Variants in GRM4 observed in about 807,000 individuals in gnomAD.
GRM4 encodes glutamate metabotropic receptor 4.
Under a neutral mutation model 81.7 loss-of-function variants are expected in GRM4, and 28 were observed. The observed-to-expected ratio is 0.34, with a 90% CI of 0.25 to 0.47. GRM4 has a LOEUF of 0.47. GRM4 is among the 20% of genes least tolerant of loss of function. GRM4 has a pLI of 1.00. For synonymous variants in GRM4, 488 were observed against 528.8 expected (o/e 0.92, Z 1.06); for missense variants, 948 against 1,290.0 (o/e 0.73, Z 4.06).
Position 34,115,342 on chromosome 6 carries a change from T to C in GRM4, c.519+17636A>G, listed in dbSNP as rs1396049275. On this transcript the variant is annotated intron_variant, in intron 2 of 10. Coordinates refer to ENST00000538487, the MANE Select transcript of GRM4 (RefSeq NM_000841.4). The surrounding 1 kb of genome is among the most constrained non-coding windows in gnomAD (Gnocchi z 4.1). Reference sequence around the variant, plus strand: ...GCTGAATTATTTATTCCCTACATTGTTAGCGCAGTAGAGAGAGCAACCGTG... The same window carrying C: ...GCTGAATTATTTATTCCCTACATTGCTAGCGCAGTAGAGAGAGCAACCGTG... Among the ~76,000 whole-genome samples, 1 of 152,220 alleles carries C rather than the reference T, an allele frequency of 6.6e-6. No individual in the cohort carries two copies. The highest frequency in any genetic ancestry group is 1.5e-5 in the Non-Finnish European group (1 of 68,034).
rs541330389 is a variant in GRM4 at position 34,091,692 on chromosome 6, C to T, written c.736+191G>A. 267 of 594,878 alleles carry T rather than the reference C, an allele frequency of 4.5e-4. No homozygotes were observed. The African/African-American group carries it at 4.7e-3, about 11-fold the overall frequency. The allele number at this position is 594,878 out of a possible 1,614,324, so 36.8% of individuals were successfully genotyped here. On this transcript the variant is annotated intron_variant, in intron 3 of 10. Coordinates refer to ENST00000538487, the MANE Select transcript of GRM4 (RefSeq NM_000841.4). Reference sequence around the variant, plus strand: ...CAAAGGCCTCACAGTCGCCGTTGACCGGAGTCACCCAGAGCCCAGTGAGGC... The same window carrying T: ...CAAAGGCCTCACAGTCGCCGTTGACTGGAGTCACCCAGAGCCCAGTGAGGC...
At chr6:34,052,086 T>A (rs547056452) in intron 6 of GRM4, among the ~76,000 whole-genome samples, 1 of 152,358 alleles carries the variant, frequency 6.6e-6, no homozygotes, top group Admixed American at 6.5e-5. Flanking sequence ...TGAGGCTTTC[T>A]TGGGCACAGG....
chr6:34,044,199 C>CATAT (rs533677306), intron 6 of GRM4, among the ~76,000 whole-genome samples: 2 of 136,148 alleles, frequency 1.5e-5, no homozygotes, highest in Non-Finnish European at 3.2e-5. Context: ...TATACACACA[C>CATAT]ATATATATAC....
intron 2 of GRM4, among the ~76,000 whole-genome samples, chr6:34,132,753 G>A (rs934225699): frequency 2.0e-5 from 3 of 152,200 alleles, no homozygotes; most frequent in South Asian, 2.1e-4. Context: ...GCTGGGTCCC[G>A]ATGCCTTTCA....
At chr6:34,075,444 C>T (rs184860093) in intron 3 of GRM4, among the ~76,000 whole-genome samples, 327 of 152,334 alleles carry the variant, frequency 2.1e-3, no homozygotes, top group African/African-American at 7.5e-3. Flanking sequence ...TCTCTATCTG[C>T]CCAACCCCAT....
rs771543129 is a variant in GRM4 at position 34,035,050 on chromosome 6, G to A, written c.2442+618C>T. ...CCTTTAGGCTTCCAGGGCAGCTTGG[G>A]GCTGGGGAGAGAAGGGGGGTCCCAT... On this transcript the variant is annotated intron_variant, in intron 9 of 10. Transcript: ENST00000538487. The surrounding 1 kb of genome is among the most constrained non-coding windows in gnomAD (Gnocchi z 6.6). 1.5e-4 allele frequency among the ~76,000 whole-genome samples: 23 copies of A among 152,230 alleles called. No individual in the cohort carries two copies. Among genetic ancestry groups the A allele is most frequent in the Non-Finnish European group, 2.9e-4 (20 of 68,040 alleles).
At chr6:34,145,744 C>G (rs1170835871) in intron 1 of GRM4, among the ~76,000 whole-genome samples, 3 of 152,186 alleles carry the variant, frequency 2.0e-5, no homozygotes, top group Admixed American at 1.3e-4. Flanking sequence ...CGAGGAGGCA[C>G]GAGACCAATC....
chr6:34,131,533 A>G (rs1770233882), intron 2 of GRM4, among the ~76,000 whole-genome samples: 1 of 152,092 alleles, frequency 6.6e-6, no homozygotes, highest in African/African-American at 2.4e-5. Flanking sequence ...AGAGCAGCCA[A>G]TGGCAAAAGT....
chr6:34,108,770 T>C (rs984723801), intron 2 of GRM4, among the ~76,000 whole-genome samples: 2 of 152,128 alleles, frequency 1.3e-5, no homozygotes, highest in African/African-American at 2.4e-5. Context: ...CCGCCCTGTA[T>C]TGAGGATCTG....
chr6:34,073,937 G>C (rs983526112), intron 3 of GRM4, among the ~76,000 whole-genome samples: 35 of 152,156 alleles, frequency 2.3e-4, no homozygotes, highest in African/African-American at 8.2e-4. Flanking sequence ...ACCATGGAGG[G>C]GCCTATGGTC....
chr6:34,033,795 T>C (rs898165954), intron 9 of GRM4, among the ~76,000 whole-genome samples: 1 of 152,158 alleles, frequency 6.6e-6, no homozygotes, highest in African/African-American at 2.4e-5. Context: ...TGGAGTGCAG[T>C]GTCACAATCT....
intron 9 of GRM4, among the ~76,000 whole-genome samples, chr6:34,032,116 CACAA>C (rs1764464788): frequency 6.6e-6 from 1 of 152,136 alleles, no homozygotes; most frequent in Non-Finnish European, 1.5e-5. Flanking sequence ...CACTTGTGTG[CACAA>C]ACACTCCTGG....
intron 2 of GRM4, among the ~76,000 whole-genome samples, chr6:34,113,001 G>GTCAT (rs1769449020): frequency 6.6e-6 from 1 of 152,092 alleles, no homozygotes. Context: ...ATTCCCTTTG[G>GTCAT]TCATTCCCTC....
At chr6:34,062,100 A>G in intron 3 of GRM4, 72 bp from the exon 4 acceptor site, 1 of 1,499,288 alleles carries the variant, frequency 6.7e-7, no homozygotes, top group South Asian at 1.3e-5. Flanking sequence ...CCCAACATAC[A>G]CTCCGGGAGA....
chr6:34,044,599 CAT>C (rs1407735312), intron 6 of GRM4, among the ~76,000 whole-genome samples: 35 of 150,406 alleles, frequency 2.3e-4, no homozygotes, highest in East Asian at 5.9e-4. Context: ...CAGACACACA[CAT>C]AGACATACAT....
At chr6:34,056,406 A>C (rs1765875984) in intron 6 of GRM4, 138 bp downstream of exon 6, 1 of 689,244 alleles carries the variant, frequency 1.5e-6, no homozygotes, top group Non-Finnish European at 2.4e-6. Context: ...ACTCCACCCC[A>C]GGTGCAGGCC....
chr6:34,100,638 C>T (rs568523656), intron 2 of GRM4, among the ~76,000 whole-genome samples: 2 of 152,216 alleles, frequency 1.3e-5, no homozygotes, highest in African/African-American at 4.8e-5. Context: ...AGCGGACATC[C>T]GAGTGGGAGA....
At position 34,106,301 on chromosome 6, in the gene GRM4, G is replaced by C. The variant is rs1016770991; in HGVS notation, c.520-14202C>G. 7.3e-4 allele frequency among the ~76,000 whole-genome samples: 111 copies of C among 152,022 alleles called. 1 individual carries two copies. Among genetic ancestry groups the C allele is most frequent in the African/African-American group, 2.3e-3 (97 of 41,478 alleles). ...GTGGTGGCCGGCGCCTGTAATCCCA[G>C]CTACTCAGGAGGCTGGGGCAGGAGA... is the stretch of plus-strand genomic sequence containing the variant. On this transcript the variant is annotated intron_variant, in intron 2 of 10. Transcript: ENST00000538487.
rs558595324 is a variant in GRM4, at chr6:34,115,497, C to G, written c.519+17481G>C. ...CACCCCCAAGCCCAAATTGCTGCCC[C>G]TTCCCCTGCTCCCAGCCACAAGGTC... On this transcript the variant is annotated intron_variant, in intron 2 of 10. Coordinates refer to ENST00000538487, the MANE Select transcript of GRM4 (RefSeq NM_000841.4). This position sits in a 1 kb window ranked among gnomAD's most constrained non-coding sequence, Gnocchi z 4.1. 3.3e-5 allele frequency among the ~76,000 whole-genome samples: 5 copies of G among 152,350 alleles called. No individual in the cohort carries two copies. The East Asian group carries it at 9.6e-4, about 29-fold the overall frequency.
Sources: allele counts gnomAD v4.1 joint callset (sites outside exome capture counted in the v4.1 genomes callset), GRCh38; gene constraint gnomAD v4.1.1; non-coding constraint Gnocchi (gnomAD v3.1); transcripts MANE v1.5; gene names NCBI Gene and HGNC (gene_info 2026-07-23, HGNC 2026-07-21).